PHLPP2: variants seen among roughly 807,000 people sequenced by gnomAD.
PHLPP2 encodes the protein PH domain leucine-rich repeat-containing protein phosphatase 2.
A neutral mutation model predicts 124.9 loss-of-function variants in PHLPP2; 66 were observed. The ratio of observed to expected loss-of-function variants is 0.53; its 90% CI spans 0.43 to 0.65. The LOEUF (loss-of-function observed/expected upper bound fraction) is 0.65. PHLPP2 is among the 30% of genes least tolerant of loss of function. PHLPP2 has a pLI of 0.00. For missense variants in PHLPP2, 1,685 were observed against 1,600.4 expected (o/e 1.05, Z -0.90); for synonymous variants, 681 against 624.7 (o/e 1.09, Z -1.34).
chr16:71,649,139 G>T lies in PHLPP2; in HGVS notation c.3723C>A (p.Ser1241=), dbSNP rs1300493304. The T allele has an allele frequency of 6.2e-7, 1 of 1,614,110 alleles. No individual in the cohort carries two copies. The highest frequency in any genetic ancestry group is 8.5e-7 in the Non-Finnish European group (1 of 1,179,956). ...STSCLYGKKL[S]NGSIVPLEDS... is the part of the protein sequence containing the mutation. ...CCTCTAGGGGCACAATAGAGCCATT[G>T]GAGAGTTTCTTCCCATAGAGGCAGG... is the stretch of plus-strand genomic sequence containing the variant. Residue 1241 remains serine, a synonymous_variant, in exon 19 of 19, where the codon TCC becomes TCA. Coordinates refer to ENST00000568954, the MANE Select transcript of PHLPP2 (RefSeq NM_015020.3).
chr16:71,693,949 T>A (rs1035745452), intron 3 of PHLPP2, among the ~76,000 whole-genome samples: 1 of 152,056 alleles, frequency 6.6e-6, no homozygotes, highest in East Asian at 1.9e-4. Context: ...TCCCAGCACT[T>A]TGGGAGGCCC....
chr16:71,649,978 T>A lies in PHLPP2; in HGVS notation c.2884A>T (p.Ile962Phe), dbSNP rs577401843. Residue 962 changes from isoleucine (I) to phenylalanine (F), a missense_variant, in exon 19 of 19, where the codon ATC becomes TTC. Coordinates refer to ENST00000568954, the MANE Select transcript of PHLPP2 (RefSeq NM_015020.3). ...GAAGATATGTGGGGCTTGGGGAGGA[T>A]CCAAGGGTAGAGGTATGTACAGCCC... The part of the protein sequence containing the change: ...MLGCTYLYPW[I>F]LPKPHISSTP... The A allele has an allele frequency of 6.2e-7, 1 of 1,613,776 alleles. No homozygotes were observed. The highest frequency in any genetic ancestry group is 1.6e-4 in the Middle Eastern group (1 of 6,062).
chr16:71,648,756 G>A lies in PHLPP2; in HGVS notation c.*134C>T, dbSNP rs1297419641. ...ATTGCACTCCAGCCTGAGCGACTGAGCAAGACTCCGTCTCAAAACAAACAA... is the reference window on the plus strand; with the variant it reads ...ATTGCACTCCAGCCTGAGCGACTGAACAAGACTCCGTCTCAAAACAAACAA... On this transcript the variant is annotated 3_prime_UTR_variant, in exon 19 of 19. Transcript: ENST00000568954. The A allele has an allele frequency of 8.5e-6, 6 of 702,392 alleles. No individual in the cohort carries two copies. The highest frequency in any genetic ancestry group is 5.0e-5 in the Admixed American group (2 of 39,968). The allele number at this position is 702,392 out of a possible 1,614,324, so 43.5% of individuals were successfully genotyped here. A position where few individuals can be genotyped will look rare whatever the true frequency, so the allele number is the denominator to read the frequency against.
chr16:71,686,555 G>A (rs2045057056), intron 4 of PHLPP2, among the ~76,000 whole-genome samples: 1 of 151,830 alleles, frequency 6.6e-6, no homozygotes, highest in South Asian at 2.1e-4. Flanking sequence ...GCAACCCCAT[G>A]GCCCCCAAAC....
intron 4 of PHLPP2, among the ~76,000 whole-genome samples, chr16:71,688,835 T>G (rs1481287857): frequency 2.0e-5 from 3 of 152,212 alleles, no homozygotes; most frequent in Non-Finnish European, 4.4e-5. Flanking sequence ...GCCCCATGGT[T>G]GATACTGGAG....
At chr16:71,658,519 A>C (rs940153567) in intron 14 of PHLPP2, 134 bp downstream of exon 14, 262 of 1,197,726 alleles carry the variant, frequency 2.2e-4, no homozygotes, top group Non-Finnish European at 3.0e-4. Flanking sequence ...AGCACATAAG[A>C]AGACAATAAT....
chr16:71,648,642 G>T lies in PHLPP2; in HGVS notation c.*248C>A. The T allele has an allele frequency of 2.1e-6, 1 of 482,862 alleles. No individual in the cohort carries two copies. The allele number at this position is 482,862 out of a possible 1,614,324, so 29.9% of individuals were successfully genotyped here. A position where few individuals can be genotyped will look rare whatever the true frequency, so the allele number is the denominator to read the frequency against. ...TAAAACTTAGCCGGGCATAATGGCA[G>T]GTGCCTGTAATCCCAGCTACTCGGG... On this transcript the variant is annotated 3_prime_UTR_variant, in exon 19 of 19. Transcript: ENST00000568954.
chr16:71,697,390 G>C (rs1037623382), intron 3 of PHLPP2, among the ~76,000 whole-genome samples: 1 of 152,012 alleles, frequency 6.6e-6, no homozygotes, highest in African/African-American at 2.4e-5. Flanking sequence ...TACAATGGAA[G>C]AAAATTTTGT....
At chr16:71,682,825 A>C (rs2045015560) in intron 5 of PHLPP2, among the ~76,000 whole-genome samples, 1 of 152,168 alleles carries the variant, frequency 6.6e-6, no homozygotes, top group Admixed American at 6.5e-5. Context: ...TAGTATGCTA[A>C]TATAATATGG....
intron 1 of PHLPP2, among the ~76,000 whole-genome samples, chr16:71,721,747 A>G (rs967895191): frequency 2.0e-5 from 3 of 152,230 alleles, no homozygotes; most frequent in African/African-American, 4.8e-5. Context: ...TGAGTAAAAA[A>G]GTTAATCATT....
Position 71,676,628 on chromosome 16 carries a change from C to A in PHLPP2, c.1290G>T (p.Met430Ile), listed in dbSNP as rs745627298. ...VDLRMNHLKT[M>I]VIENLEGNKH... ...TATTTCCCTCCAGATTTTCAATAAC[C>A]ATGGTTTTCAAATGGTTCATCCTTA... The change falls in exon 9 of 19, where the codon ATG (methionine) becomes ATT (isoleucine). Residue 430 changes from methionine (M) to isoleucine (I), a missense_variant. Transcript: ENST00000568954. The A allele has an allele frequency of 1.9e-6, 3 of 1,613,230 alleles. No individual in the cohort carries two copies. In the Admixed American group the frequency reaches 5.0e-5, roughly 27 times the overall value.
intron 13 of PHLPP2, among the ~76,000 whole-genome samples, chr16:71,662,262 T>A (rs2044798854): frequency 6.6e-6 from 1 of 151,814 alleles, no homozygotes; most frequent in Non-Finnish European, 1.5e-5. Flanking sequence ...AAACCCTGTC[T>A]CTACAAAAAT....
intron 1 of PHLPP2, among the ~76,000 whole-genome samples, chr16:71,722,151 GCCGGGCGTGGTGGCTCATCCTTGTAATT>G (rs1220673112): frequency 1.3e-5 from 2 of 152,144 alleles, no homozygotes; most frequent in Non-Finnish European, 2.9e-5. Context: ...ACTGTATGAG[GCCGGGCGTGGTGGCTCATCCTTGTAATT>G]CCAACACTTC....
At chr16:71,691,514 A>AATAG (rs2045113349) in intron 3 of PHLPP2, among the ~76,000 whole-genome samples, 1 of 150,448 alleles carries the variant, frequency 6.6e-6, no homozygotes, top group Non-Finnish European at 1.5e-5. Context: ...TAAATAAATA[A>AATAG]GGAATATAAA....
chr16:71,702,527 G>T (rs1309596878), intron 3 of PHLPP2, 71 bp downstream of exon 3: 1 of 1,270,944 alleles, frequency 7.9e-7, no homozygotes, highest in South Asian at 1.5e-5. Flanking sequence ...TTAAAAAGCT[G>T]ACGGCAGATA....
In PHLPP2 at chr16:71,646,948, C is replaced by T. The variant is rs1281353112; in HGVS notation, c.*1942G>A. 1 of 152,406 alleles carries T rather than the reference C, an allele frequency of 6.6e-6. No individual in the cohort carries two copies. Among genetic ancestry groups the T allele is most frequent in the South Asian group, 2.1e-4 (1 of 4,808 alleles). 9.4% of individuals were successfully genotyped at this position (152,406 alleles called of 1,614,324 possible). On this transcript the variant is annotated 3_prime_UTR_variant, in exon 19 of 19. Coordinates refer to ENST00000568954, the MANE Select transcript of PHLPP2 (RefSeq NM_015020.3). ...CCCCCAAGAGTGTATCCCAATGACA[C>T]GTGCATATGAGCATGGGGCCTCTGA...
chr16:71,650,146 T>C, intron 18 of PHLPP2, 102 bp from the exon 19 acceptor site: 1 of 789,390 alleles, frequency 1.3e-6, no homozygotes, highest in Middle Eastern at 2.7e-4. Context: ...AAACAATTTA[T>C]ATATGATTTT....
At chr16:71,697,002 C>T (rs2045178465) in intron 3 of PHLPP2, among the ~76,000 whole-genome samples, 2 of 151,934 alleles carry the variant, frequency 1.3e-5, no homozygotes, top group South Asian at 4.1e-4. Context: ...GAAACCCCAT[C>T]TCTACTAAAA....
At position 71,649,436 on chromosome 16, in the gene PHLPP2, C is replaced by A. The variant is rs577337641; in HGVS notation, c.3426G>T (p.Gln1142His). Reference protein sequence around the residue: ...QPSSATFSSNQSDNGLDSDDD... With the variant: ...QPSSATFSSNHSDNGLDSDDD... ...CATCACTGTCCAGGCCGTTGTCAGACTGGTTACTGGAGAAGGTAGCAGAAG... is the reference window on the plus strand; with the variant it reads ...CATCACTGTCCAGGCCGTTGTCAGAATGGTTACTGGAGAAGGTAGCAGAAG... The change falls in exon 19 of 19, where the codon CAG becomes CAT. Residue 1142 changes from glutamine to histidine, a missense_variant. Coordinates refer to ENST00000568954, the MANE Select transcript of PHLPP2 (RefSeq NM_015020.3). 1.9e-5 allele frequency: 30 copies of A among 1,614,112 alleles called. No homozygotes were observed. The highest frequency in any genetic ancestry group is 2.5e-5 in the Non-Finnish European group (29 of 1,180,012).
Sources: allele counts gnomAD v4.1 joint callset (sites outside exome capture counted in the v4.1 genomes callset), GRCh38; gene constraint gnomAD v4.1.1; transcripts MANE v1.5; gene names NCBI Gene and HGNC (gene_info 2026-07-23, HGNC 2026-07-21).